Variants in MAPRE2 observed in about 807,000 individuals in gnomAD.
MAPRE2 encodes microtubule-associated protein RP/EB family member 2.
MAPRE2 carries 13 observed loss-of-function variants against 43.2 expected under a neutral mutation model. The observed-to-expected ratio is 0.30, with a 90% CI of 0.20 to 0.48. The LOEUF (loss-of-function observed/expected upper bound fraction) is 0.48. Ranked by LOEUF, MAPRE2 falls within the 20% of genes least tolerant of loss-of-function variation. The probability of loss-of-function intolerance (pLI) is 0.99; values close to 1 mark genes in which losing one functional copy is unlikely to be tolerated. For synonymous variants in MAPRE2, 135 were observed against 148.8 expected (o/e 0.91, Z 0.68); for missense variants, 161 against 400.2 (o/e 0.40, Z 5.10).
chr18:35,080,843 A>T (rs1438450213), intron 2 of MAPRE2, among the ~76,000 whole-genome samples: 1 of 151,906 alleles, frequency 6.6e-6, no homozygotes, highest in Non-Finnish European at 1.5e-5. Flanking sequence ...TGAAACCATT[A>T]CGTAATTCTG....
At chr18:35,055,535 C>CTGTGTGTGTGTGTGTGTGTG (rs1321118157) in intron 1 of MAPRE2, among the ~76,000 whole-genome samples, 1 of 60,226 alleles carries the variant, frequency 1.7e-5, no homozygotes, top group African/African-American at 8.1e-5. Context: ...CTATTCAGTT[C>CTGTGTGTGTGTGTGTGTGTG]TCTGTGTGTG....
chr18:35,074,860 C>A (rs1260333172), intron 2 of MAPRE2, among the ~76,000 whole-genome samples: 1 of 152,038 alleles, frequency 6.6e-6, no homozygotes, highest in African/African-American at 2.4e-5. Flanking sequence ...GTCACTATAT[C>A]CTGGACTGTC....
intron 2 of MAPRE2, among the ~76,000 whole-genome samples, chr18:35,072,520 T>C (rs1446383837): frequency 6.6e-6 from 1 of 152,224 alleles, no homozygotes; most frequent in African/African-American, 2.4e-5. Context: ...CATGAGGAAC[T>C]TCCTATGCTG....
In MAPRE2 at chr18:34,996,158, C is replaced by A. The variant is rs192966385; in HGVS notation, c.-69-9334C>A. 5.2e-4 allele frequency among the ~76,000 whole-genome samples: 79 copies of A among 152,290 alleles called. 1 individual carries two copies. In the East Asian group the frequency reaches 0.011, roughly 21 times the overall value. ...ATTTTTCCACCCCTGCTGTCAATAT[C>A]ATTGCCTTCACAGCCCTGTGATATG... On this transcript the variant is annotated intron_variant, in intron 1 of 7. Coordinates refer to the MAPRE2 transcript ENST00000413393.
intron 1 of MAPRE2, among the ~76,000 whole-genome samples, chr18:34,992,112 G>A (rs7243949): frequency 0.046 from 6,999 of 152,194 alleles, 237 homozygotes; most frequent in Admixed American, 0.081. Flanking sequence ...ACTTTTGGAC[G>A]CTGATTTCTC....
intron 4 of MAPRE2, among the ~76,000 whole-genome samples, chr18:35,117,561 TGTG>T (rs1909470706): frequency 6.6e-6 from 1 of 152,134 alleles, no homozygotes; most frequent in Admixed American, 6.5e-5. Flanking sequence ...ATGTAGTTGT[TGTG>T]GTGACACCTG....
chr18:35,089,972 G>C (rs1313704748), intron 2 of MAPRE2, among the ~76,000 whole-genome samples: 1 of 152,180 alleles, frequency 6.6e-6, no homozygotes, highest in East Asian at 1.9e-4. Flanking sequence ...ATGAAGTTCT[G>C]ATACATGGAA....
At chr18:34,978,595 C>T in intron 1 of MAPRE2, 1 of 1,524,328 alleles carries the variant, frequency 6.6e-7, no homozygotes, top group Non-Finnish European at 8.9e-7. Flanking sequence ...CTAAATTTGG[C>T]CAAATTTTTA....
intron 1 of MAPRE2, 125 bp downstream of exon 1, chr18:35,041,786 G>A: frequency 1.3e-6 from 2 of 1,525,812 alleles, no homozygotes; most frequent in Non-Finnish European, 1.8e-6. Context: ...TGTGAAGGCG[G>A]TTGTGATTAT....
intron 1 of MAPRE2, among the ~76,000 whole-genome samples, chr18:35,051,366 GTTTGGGAAGCCAA>G (rs1416730187): frequency 6.6e-6 from 1 of 152,198 alleles, no homozygotes; most frequent in African/African-American, 2.4e-5. Context: ...TTAAGTTTGA[GTTTGGGAAGCCAA>G]TTTGGGAAGC....
chr18:35,017,930 T>G (rs2097039485), intron 2 of MAPRE2, among the ~76,000 whole-genome samples: 1 of 151,986 alleles, frequency 6.6e-6, no homozygotes, highest in Admixed American at 6.6e-5. Flanking sequence ...ATCCAGTTTT[T>G]GCCCATTCAG....
At chr18:35,008,882 A>G (rs1156928419) in intron 2 of MAPRE2, among the ~76,000 whole-genome samples, 1 of 152,168 alleles carries the variant, frequency 6.6e-6, no homozygotes, top group Non-Finnish European at 1.5e-5. Flanking sequence ...TTCAGAAAGC[A>G]TTTAATTTAT....
chr18:35,084,386 G>T (rs1270983805), intron 2 of MAPRE2, among the ~76,000 whole-genome samples: 1 of 152,194 alleles, frequency 6.6e-6, no homozygotes, highest in Admixed American at 6.5e-5. Context: ...GTTTGGTGCA[G>T]GCCTATAAGA....
chr18:35,086,107 T>C (rs920660647), intron 2 of MAPRE2, among the ~76,000 whole-genome samples: 2 of 152,160 alleles, frequency 1.3e-5, no homozygotes, highest in Admixed American at 1.3e-4. Context: ...TATAGGCATC[T>C]CTGTATAATA....
chr18:35,107,824 T>C (rs1908979452), intron 4 of MAPRE2, among the ~76,000 whole-genome samples: 1 of 152,150 alleles, frequency 6.6e-6, no homozygotes, highest in Non-Finnish European at 1.5e-5. Flanking sequence ...TTTTTTGTTG[T>C]CCAGTTCTAA....
chr18:35,045,016 C>G (rs1377375159), intron 1 of MAPRE2, among the ~76,000 whole-genome samples: 4 of 152,154 alleles, frequency 2.6e-5, no homozygotes, highest in Admixed American at 6.5e-5. Context: ...GAAAATTACC[C>G]CTGGATTAGT....
At chr18:34,985,984 A>G (rs988037202) in intron 1 of MAPRE2, among the ~76,000 whole-genome samples, 1 of 151,966 alleles carries the variant, frequency 6.6e-6, no homozygotes, top group African/African-American at 2.4e-5. Flanking sequence ...TCAATTGCTT[A>G]AACAGAGGCA....
intron 1 of MAPRE2, among the ~76,000 whole-genome samples, chr18:35,051,844 A>C (rs1300609917): frequency 6.6e-6 from 1 of 152,244 alleles, no homozygotes; most frequent in African/African-American, 2.4e-5. Flanking sequence ...GTTACAGAAC[A>C]TAAGGTGTGC....
At chr18:34,998,890 A>G (rs1479001854) in intron 1 of MAPRE2, among the ~76,000 whole-genome samples, 2 of 151,066 alleles carry the variant, frequency 1.3e-5, no homozygotes, top group Admixed American at 1.3e-4. Context: ...AAAAGGTCAC[A>G]GTAGCCCTTG....
Sources: allele counts gnomAD v4.1 joint callset (sites outside exome capture counted in the v4.1 genomes callset), GRCh38; gene constraint gnomAD v4.1.1; transcripts MANE v1.5; gene names NCBI Gene and HGNC (gene_info 2026-07-23, HGNC 2026-07-21).